Variants in CEP295 observed in about 807,000 individuals in gnomAD.
CEP295 encodes centrosomal protein of 295 kDa.
A neutral mutation model predicts 291.6 loss-of-function variants in CEP295; 190 were observed. The observed-to-expected ratio is 0.65, with a 90% confidence interval of 0.58 to 0.73. The LOEUF is 0.73. Among genes scored for constraint, CEP295 ranks in the 30% least tolerant of loss-of-function variants. The probability of loss-of-function intolerance (pLI) is 0.00; values close to 1 mark genes in which losing one functional copy is unlikely to be tolerated. For missense variants in CEP295, 2,863 were observed against 2,949.4 expected (o/e 0.97, Z 0.68); for synonymous variants, 993 against 1,038.8 (o/e 0.96, Z 0.85).
At chr11:93,672,714 A>T (rs973480959) in intron 5 of CEP295, among the ~76,000 whole-genome samples, 10 of 152,250 alleles carry the variant, frequency 6.6e-5, no homozygotes, top group Admixed American at 3.9e-4. Flanking sequence ...CTAAGGCTGG[A>T]AGATAGAACA....
In CEP295 at chr11:93,721,665, GGTGTGTGTGT is replaced by G. The variant is rs59894789; in HGVS notation, c.5851-262_5851-253del. ...TGTAAAACAATAAGGGCATATGTCT[GGTGTGTGTGT>G]GTGTGTGTGTGTGTGTGTGTGTGTG... On this transcript the variant is annotated intron_variant, in intron 19 of 29. Coordinates refer to ENST00000325212, the MANE Select transcript of CEP295 (RefSeq NM_033395.2). 1,270 of 606,908 alleles carry G rather than the reference GGTGTGTGTGT, an allele frequency of 2.1e-3. 9 individuals are homozygous for G. The highest frequency in any genetic ancestry group is 0.017 in the African/African-American group (912 of 53,274). The allele number at this position is 606,908 out of a possible 1,614,324, so 37.6% of individuals were successfully genotyped here. A position where few individuals can be genotyped will look rare whatever the true frequency, so the allele number is the denominator to read the frequency against.
At chr11:93,724,796 A>C (rs1954021356) in intron 22 of CEP295, among the ~76,000 whole-genome samples, 1 of 152,170 alleles carries the variant, frequency 6.6e-6, no homozygotes, top group Admixed American at 6.5e-5. Flanking sequence ...ACAAACAAAA[A>C]GAATCACATG....
chr11:93,720,614 A>G (rs1953642496), intron 18 of CEP295, among the ~76,000 whole-genome samples: 1 of 151,994 alleles, frequency 6.6e-6, no homozygotes, highest in East Asian at 1.9e-4. Flanking sequence ...GTTTTTTGAG[A>G]CGGGGTCTGG....
At chr11:93,724,126 C>T in intron 21 of CEP295, 128 bp from the exon 22 acceptor site, 1 of 824,266 alleles carries the variant, frequency 1.2e-6, no homozygotes, top group South Asian at 1.9e-5. Flanking sequence ...GTTTTTGTTA[C>T]ACTGGAGTTA....
intron 5 of CEP295, among the ~76,000 whole-genome samples, chr11:93,671,352 A>T (rs1206941729): frequency 6.6e-6 from 1 of 151,846 alleles, no homozygotes; most frequent in Admixed American, 6.6e-5. Context: ...TCAATATTAC[A>T]TAGTCAATTA....
Position 93,717,043 on chromosome 11 carries a change from A to C in CEP295, c.5750-4269A>C, listed in dbSNP as rs7129313. ...GAAGGAGTGCTGGGAGAGTCTACAG[A>C]GCACATTAGATAATATTATTAAGAC... On this transcript the variant is annotated intron_variant, in intron 18 of 29. Coordinates refer to ENST00000325212, the MANE Select transcript of CEP295 (RefSeq NM_033395.2). Among the ~76,000 whole-genome samples the C allele has an allele frequency of 4.8e-3, 729 of 152,356 alleles. 6 individuals carry two copies. Among genetic ancestry groups the C allele is most frequent in the African/African-American group, 0.016 (651 of 41,576 alleles).
chr11:93,664,005 A>AT (rs1176649018), intron 1 of CEP295, among the ~76,000 whole-genome samples: 1 of 152,002 alleles, frequency 6.6e-6, no homozygotes, highest in East Asian at 1.9e-4. Context: ...AGGTAACTTT[A>AT]TTTTTACCTC....
Position 93,666,729 on chromosome 11 carries a change from A to T in CEP295, c.22A>T (p.Thr8Ser). The T allele has an allele frequency of 6.5e-7, 1 of 1,540,068 alleles. No individual in the cohort carries two copies. The highest frequency in any genetic ancestry group is 8.8e-7 in the Non-Finnish European group (1 of 1,138,748). ...AGAAATGAAGAGAAAAGTCGTGAAT[A>T]CTCACAAGCTGAGATTGAGTCCTAA... MKRKVVNTHKLRLSPNEE... is the reference protein window; with the variant it reads MKRKVVNSHKLRLSPNEE... Residue 8 changes from threonine (T) to serine (S), a missense_variant, in exon 2 of 30, where the codon ACT becomes TCT. Physicochemically the swap from Thr to Ser is moderately conservative, Grantham distance 58 (BLOSUM62 1). This residue lies in a region of CEP295 where 554 missense variants were observed against 576.0 expected (regional missense o/e 0.96). Transcript: ENST00000325212.
intron 3 of CEP295, 133 bp from the exon 4 acceptor site, chr11:93,668,675 T>A: frequency 1.5e-6 from 1 of 646,476 alleles, no homozygotes; most frequent in Non-Finnish European, 2.6e-6. Flanking sequence ...GGTACTGTTG[T>A]CATGCTCTGG....
Position 93,727,244 on chromosome 11 carries a change from C to T in CEP295, c.6768C>T (p.Ser2256=). ...TTGATCAGTTAAATGTACAGCATAGCACTCCATGTGGTTCTAACTCTAGTG... is the reference window on the plus strand; with the variant it reads ...TTGATCAGTTAAATGTACAGCATAGTACTCCATGTGGTTCTAACTCTAGTG... ...NVFDQLNVQH[S]TPCGSNSSEC... Residue 2256 remains serine, a synonymous_variant, in exon 24 of 30, where the codon AGC becomes AGT. Coordinates refer to ENST00000325212, the MANE Select transcript of CEP295 (RefSeq NM_033395.2). 6.4e-7 allele frequency: 1 copy of T among 1,551,754 alleles called. No individual in the cohort carries two copies. The highest frequency in any genetic ancestry group is 1.2e-5 in the South Asian group (1 of 84,062).
chr11:93,712,854 GTTT>G (rs1260668850), intron 18 of CEP295, among the ~76,000 whole-genome samples: 43 of 68,482 alleles, frequency 6.3e-4, no homozygotes, highest in African/African-American at 2.0e-3. Context: ...TCTTTCTTCT[GTTT>G]TGTTGTTGTT....
Position 93,697,249 on chromosome 11 carries a change from T to G in CEP295, c.2337T>G (p.His779Gln). 6.4e-7 allele frequency: 1 copy of G among 1,551,750 alleles called. No individual in the cohort carries two copies. The highest frequency in any genetic ancestry group is 1.7e-4 in the Middle Eastern group (1 of 5,990). ...AGAATAGTGAAAATATATCTTACCA[T>G]TTAACTGAACCTTCTTCATTTGTAC... ...FSENSENISYHLTEPSSFVPL... is the reference protein window; with the variant it reads ...FSENSENISYQLTEPSSFVPL... The change falls in exon 15 of 30, where the codon CAT (histidine) becomes CAG (glutamine). Residue 779 changes from histidine to glutamine, a missense_variant. By Grantham distance (24) the His-to-Gln change is conservative (BLOSUM62 0). This residue lies in a region of CEP295 where 2,295 missense variants were observed against 2,335.7 expected (regional missense o/e 0.98). Transcript: ENST00000325212.
At chr11:93,712,039 A>C (rs1471316419) in intron 18 of CEP295, among the ~76,000 whole-genome samples, 1 of 152,070 alleles carries the variant, frequency 6.6e-6, no homozygotes, top group Admixed American at 6.6e-5. Context: ...TCCAATGCTG[A>C]AAGTGGGATG....
At position 93,669,170 on chromosome 11, in the gene CEP295, G is replaced by A. The variant is rs1950319242; in HGVS notation, c.434+238G>A. On this transcript the variant is annotated intron_variant, in intron 4 of 29. Transcript: ENST00000325212. ...AGTTGAGTTTAGCAGCAGTTACTAA[G>A]TTTCTGAAAAAATATATGGCTACTT... Among the ~76,000 whole-genome samples the A allele has an allele frequency of 2.0e-5, 3 of 152,020 alleles. No individual in the cohort carries two copies. The South Asian group carries it at 6.2e-4, about 32-fold the overall frequency.
In CEP295 at chr11:93,666,829, G is replaced by A; in HGVS notation, c.108+14G>A. On this transcript the variant is annotated intron_variant, in intron 2 of 29. Transcript: ENST00000325212. ...AGATTGCTACAGGTATGACTTATTT[G>A]TAATAAAGTTTTAAATTCCTTTCTT... The A allele has an allele frequency of 3.7e-6, 5 of 1,338,932 alleles. No homozygotes were observed. Among genetic ancestry groups the A allele is most frequent in the Non-Finnish European group, 5.2e-6 (5 of 965,402 alleles). 82.9% of individuals were successfully genotyped at this position (1,338,932 alleles called of 1,614,324 possible). A position where few individuals can be genotyped will look rare whatever the true frequency, so the allele number is the denominator to read the frequency against.
Position 93,699,792 on chromosome 11 carries a change from A to G in CEP295, c.4880A>G (p.Asn1627Ser), listed in dbSNP as rs1166138853. The part of the protein sequence containing the change: ...YEKPQEELSL[N>S]KQRKLNKSES... The stretch of plus-strand genomic sequence containing the variant: ...AAACCCCAGGAAGAACTGTCTTTAA[A>G]CAAACAAAGAAAGTTGAACAAAAGT... Residue 1627 changes from asparagine to serine, a missense_variant, in exon 15 of 30, where the codon AAC becomes AGC. Around this residue, in one of 3 missense-constraint regions of CEP295, gnomAD observed 2,295 missense variants for 2,335.7 expected, o/e 0.98. Transcript: ENST00000325212. 4.5e-6 allele frequency: 7 copies of G among 1,552,128 alleles called. No homozygotes were observed. The Admixed American group carries it at 1.4e-4, about 30-fold the overall frequency.
Position 93,697,264 on chromosome 11 carries a change from T to G in CEP295, c.2352T>G (p.Ser784=), listed in dbSNP as rs117344622. 7.7e-6 allele frequency: 12 copies of G among 1,551,762 alleles called. No homozygotes were observed. The East Asian group carries it at 2.2e-4, about 28-fold the overall frequency. Residue 784 remains serine, a synonymous_variant, in exon 15 of 30, where the codon TCT becomes TCG. Coordinates refer to ENST00000325212, the MANE Select transcript of CEP295 (RefSeq NM_033395.2). ...ENISYHLTEP[S]SFVPLVPQHS... Reference sequence around the variant, plus strand: ...TATCTTACCATTTAACTGAACCTTCTTCATTTGTACCACTGGTACCTCAGC... The same window carrying G: ...TATCTTACCATTTAACTGAACCTTCGTCATTTGTACCACTGGTACCTCAGC...
chr11:93,722,861 C>A (rs1953845672), intron 20 of CEP295, 180 bp from the exon 21 acceptor site: 1 of 489,330 alleles, frequency 2.0e-6, no homozygotes, highest in South Asian at 2.5e-5. Context: ...CAGGTGTGCG[C>A]CACCACGCCC....
intron 9 of CEP295, among the ~76,000 whole-genome samples, chr11:93,685,864 C>T (rs1951208115): frequency 1.3e-5 from 2 of 151,968 alleles, no homozygotes; most frequent in Non-Finnish European, 2.9e-5. Context: ...CCACACACCA[C>T]CATGCCTGGC....
Sources: gnomAD v4.1 joint callset for allele counts (sites outside exome capture counted in the v4.1 genomes callset) on GRCh38, gnomAD v4.1.1 for gene constraint, gnomAD v4.1.1 regional missense constraint, MANE v1.5 for transcripts, NCBI Gene and HGNC (gene_info 2026-07-23, HGNC 2026-07-21) for gene names.